Variants in MEGF6 observed in about 807,000 individuals in gnomAD.
MEGF6 encodes multiple EGF like domains 6.
In MEGF6, 184 loss-of-function variants were observed where a neutral mutation model predicts 207.1. The observed-to-expected ratio is 0.89, with a 90% confidence interval of 0.79 to 1.00. The LOEUF (loss-of-function observed/expected upper bound fraction) is 1.00. MEGF6 is among the 50% of genes least tolerant of loss of function. The pLI is 0.00. For missense variants in MEGF6, 2,282 were observed against 2,202.9 expected (o/e 1.04, Z -0.72); for synonymous variants, 1,038 against 910.0 (o/e 1.14, Z -2.53).
chr1:3,510,956 GC>G, intron 9 of MEGF6, 54 bp from the exon 10 acceptor site: 1 of 1,386,242 alleles, frequency 7.2e-7, no homozygotes. Context: ...ACGTGCACAC[GC>G]CCCCACCCAC....
At position 3,598,351 on chromosome 1, in the gene MEGF6, T is replaced by C. The variant is rs538351621; in HGVS notation, c.267-2904A>G. Among the ~76,000 whole-genome samples the C allele has an allele frequency of 4.0e-3, 612 of 152,334 alleles. 5 individuals are homozygous for C. The highest frequency in any genetic ancestry group is 0.013 in the African/African-American group (529 of 41,578). ...GCCGCTTCCCGGAAGCACGTGCTCA[T>C]GCACGCGCACTGCACAGAGACGCTC... is the stretch of plus-strand genomic sequence containing the variant. On this transcript the variant is annotated intron_variant, in intron 2 of 36. Transcript: ENST00000356575.
chr1:3,585,387 GCATGTCCTGTGTGTGGGTGTGAGTGACA>G (rs1377858997), intron 3 of MEGF6, among the ~76,000 whole-genome samples: 1 of 142,520 alleles, frequency 7.0e-6, no homozygotes. Context: ...GTGTCTGGAC[GCATGTCCTGTGTGTGGGTGTGAGTGACA>G]CATGTCCTGT....
In MEGF6 at chr1:3,499,619, G is replaced by T. The variant is rs762714452; in HGVS notation, c.2934C>A (p.Pro978=). 1.9e-6 allele frequency: 3 copies of T among 1,588,490 alleles called. No individual in the cohort carries two copies. Among genetic ancestry groups the T allele is most frequent in the Admixed American group, 3.5e-5 (2 of 56,350 alleles). ...CDAVNGSCLC[P]AGRRGPRCAE... The stretch of plus-strand genomic sequence containing the variant: ...CACAGCGGGGGCCCCGGCGGCCAGC[G>T]GGGCAGAGGCAGGAGCCATTCACGG... Residue 978 remains proline (P), a synonymous_variant, in exon 23 of 37, where the codon CCC becomes CCA. Coordinates refer to ENST00000356575, the MANE Select transcript of MEGF6 (RefSeq NM_001409.4).
In MEGF6 at chr1:3,501,271, C is replaced by A; in HGVS notation, c.2352G>T (p.Glu784Asp). 4 of 1,606,786 alleles carry A rather than the reference C, an allele frequency of 2.5e-6. No individual in the cohort carries two copies. The highest frequency in any genetic ancestry group is 3.4e-6 in the Non-Finnish European group (4 of 1,177,468). ...PEGRWGLGCQ[E>D]ICPACQHAAR... The stretch of plus-strand genomic sequence containing the variant: ...CAGCGTGCTGGCATGCTGGGCAGAT[C>A]TCCTGGCAGCCCAGCCCCCAGCGGC... Residue 784 changes from glutamate (E) to aspartate (D), a missense_variant, in exon 19 of 37, where the codon GAG (glutamate) becomes GAT (aspartate). Transcript: ENST00000356575.
At position 3,579,916 on chromosome 1, in the gene MEGF6, G is replaced by A. The variant is rs754006394; in HGVS notation, c.390C>T (p.Ala130=). ...AACGGCCACCGTGAAAACAGAGGCTGGCGCTGCATTCAGCTGCGGAGGGAA... is the reference window on the plus strand; with the variant it reads ...AACGGCCACCGTGAAAACAGAGGCTAGCGCTGCATTCAGCTGCGGAGGGAA... ...EEGCLSAECS[A]SLCFHGGRCV... is the part of the protein sequence containing the mutation. The change falls in exon 4 of 37, where the codon GCC becomes GCT. Residue 130 remains alanine, a synonymous_variant. Transcript: ENST00000356575. 1.6e-5 allele frequency: 24 copies of A among 1,529,360 alleles called. No homozygotes were observed. Among genetic ancestry groups the A allele is most frequent in the East Asian group, 2.6e-5 (1 of 38,746 alleles). The allele number at this position is 1,529,360 out of a possible 1,614,324, so 94.7% of individuals were successfully genotyped here.
intron 4 of MEGF6, among the ~76,000 whole-genome samples, chr1:3,546,781 A>G (rs557864125): frequency 0.011 from 742 of 69,616 alleles, 11 homozygotes; most frequent in Non-Finnish European, 0.015. Context: ...CGGGGTGGCA[A>G]TGGCCTGGGA....
At chr1:3,496,927 C>G (rs1640631194) in intron 28 of MEGF6, 61 bp downstream of exon 28, 2 of 1,532,514 alleles carry the variant, frequency 1.3e-6, no homozygotes, top group Non-Finnish European at 1.8e-6. Flanking sequence ...ACCAGGGGAA[C>G]TGGGGCCCAG....
intron 4 of MEGF6, among the ~76,000 whole-genome samples, chr1:3,538,654 C>T (rs1285098775): frequency 1.3e-5 from 2 of 151,246 alleles, no homozygotes; most frequent in Non-Finnish European, 2.9e-5. Flanking sequence ...GAGGCCTGGT[C>T]TGTCCCCGTG....
upstream of MEGF6, among the ~76,000 whole-genome samples, chr1:3,611,824 C>T (rs1003305596): frequency 4.0e-5 from 6 of 151,446 alleles, no homozygotes; most frequent in Admixed American, 6.6e-5. Context: ...GCTCCCTGCT[C>T]GTCTCATGCG....
chr1:3,554,922 A>C (rs1414569300), intron 4 of MEGF6, among the ~76,000 whole-genome samples: 2 of 152,196 alleles, frequency 1.3e-5, no homozygotes, highest in East Asian at 3.9e-4. Context: ...GGCTAGGGCC[A>C]CTGATTTGGG....
intron 2 of MEGF6, 116 bp downstream of exon 2, chr1:3,602,350 G>A (rs1433842863): frequency 2.8e-6 from 4 of 1,444,068 alleles, no homozygotes; most frequent in South Asian, 1.3e-5. Context: ...GGCAGGGGTT[G>A]CGTGTGGCCC....
Position 3,551,340 on chromosome 1 carries a change from A to G in MEGF6, c.482-27094T>C, listed in dbSNP as rs551377596. The stretch of plus-strand genomic sequence containing the variant: ...TCTGGGAGAGGCTGCTGGGGACGAC[A>G]GGACCTAAGGGGCCAAAGGGGTGGG... On this transcript the variant is annotated intron_variant, in intron 4 of 36. Coordinates refer to ENST00000356575, the MANE Select transcript of MEGF6 (RefSeq NM_001409.4). Among the ~76,000 whole-genome samples the G allele has an allele frequency of 3.9e-5, 6 of 152,316 alleles. No individual in the cohort carries two copies. The South Asian group carries it at 1.2e-3, about 32-fold the overall frequency.
intron 2 of MEGF6, among the ~76,000 whole-genome samples, chr1:3,602,232 A>G (rs1226521535): frequency 6.6e-6 from 1 of 152,026 alleles, no homozygotes; most frequent in East Asian, 1.9e-4. Context: ...ACCCCTCACA[A>G]AGGACTCAGG....
intron 11 of MEGF6, 89 bp from the exon 12 acceptor site, chr1:3,509,334 AC>A: frequency 1.7e-6 from 2 of 1,143,868 alleles, no homozygotes; most frequent in Non-Finnish European, 2.3e-6. Context: ...CCTAAGCCCC[AC>A]CCCAGGGAAC....
Position 3,509,198 on chromosome 1 carries a change from G to T in MEGF6, c.1405C>A (p.Arg469=). 2 of 1,562,674 alleles carry T rather than the reference G, an allele frequency of 1.3e-6. No homozygotes were observed. The highest frequency in any genetic ancestry group is 1.2e-5 in the South Asian group (1 of 85,330). ...AGCACGGCAATGTGGGGCAGGGGCC[G>T]CACGAAAGGCAGCTCGCCGTCCAGG... ...VDLDGELPFV[R]PLPHIAVLQD... Residue 469 remains arginine, a synonymous_variant, in exon 12 of 37, where the codon CGG becomes AGG. Coordinates refer to ENST00000356575, the MANE Select transcript of MEGF6 (RefSeq NM_001409.4).
chr1:3,571,658 T>C (rs1643497317), intron 4 of MEGF6, among the ~76,000 whole-genome samples: 1 of 150,240 alleles, frequency 6.7e-6, no homozygotes, highest in African/African-American at 2.5e-5. Context: ...TTCCTGGGTG[T>C]GCTAGGTCCT....
At chr1:3,552,519 G>A (rs1006513423) in intron 4 of MEGF6, among the ~76,000 whole-genome samples, 11 of 152,332 alleles carry the variant, frequency 7.2e-5, no homozygotes, top group African/African-American at 2.6e-4. Context: ...CAACATATGA[G>A]ATCCCGTCTC....
At chr1:3,608,657 C>T (rs1340827210) in intron 1 of MEGF6, among the ~76,000 whole-genome samples, 2 of 152,196 alleles carry the variant, frequency 1.3e-5, no homozygotes, top group Non-Finnish European at 2.9e-5. Context: ...CTCTCTGTAG[C>T]CCAGCAGCAC....
chr1:3,599,828 T>G (rs896578392), intron 2 of MEGF6, among the ~76,000 whole-genome samples: 17 of 152,084 alleles, frequency 1.1e-4, no homozygotes, highest in Non-Finnish European at 4.4e-5. Flanking sequence ...GGGGCTGTTC[T>G]GCGCGTGGGC....
Sources: allele counts gnomAD v4.1 joint callset (sites outside exome capture counted in the v4.1 genomes callset), GRCh38; gene constraint gnomAD v4.1.1; transcripts MANE v1.5; gene names NCBI Gene and HGNC (gene_info 2026-07-23, HGNC 2026-07-21).